Variants in AKT3 observed in about 807,000 individuals in gnomAD.
The protein encoded by AKT3 is AKT serine/threonine kinase 3.
A neutral mutation model predicts 65.3 loss-of-function variants in AKT3; 15 were observed. That is an observed-to-expected ratio of 0.23 (90% confidence interval 0.15 to 0.35). AKT3 has a LOEUF of 0.35. Ranked by LOEUF, AKT3 falls within the 10% of genes least tolerant of loss-of-function variation. The probability of loss-of-function intolerance (pLI) is 1.00; values close to 1 mark genes in which losing one functional copy is unlikely to be tolerated. For missense variants in AKT3, 243 were observed against 576.5 expected (o/e 0.42, Z 5.92); for synonymous variants, 206 against 183.8 (o/e 1.12, Z -0.98).
At chr1:243,696,877 T>C (rs530978789) in intron 2 of AKT3, among the ~76,000 whole-genome samples, 2 of 152,168 alleles carry the variant, frequency 1.3e-5, no homozygotes, top group African/African-American at 4.8e-5. Context: ...TACCACTTTA[T>C]CACTTTTCTG....
At chr1:243,834,879 C>T (rs115102125) in intron 2 of AKT3, among the ~76,000 whole-genome samples, 190 of 151,846 alleles carry the variant, frequency 1.3e-3, no homozygotes, top group African/African-American at 4.5e-3. Flanking sequence ...TTTCAAAAGA[C>T]GTATGAATAA....
intron 3 of AKT3, among the ~76,000 whole-genome samples, chr1:243,674,205 A>T (rs1213707723): frequency 6.6e-6 from 1 of 152,228 alleles, no homozygotes; most frequent in African/African-American, 2.4e-5. Context: ...AAAAATCACC[A>T]ATGGTAAAAT....
chr1:243,565,569 T>C (rs2148491760), intron 9 of AKT3, among the ~76,000 whole-genome samples: 1 of 152,326 alleles, frequency 6.6e-6, no homozygotes, highest in Non-Finnish European at 1.5e-5. Flanking sequence ...ATCTTGTATA[T>C]TCCTGTTTCT....
downstream of AKT3, among the ~76,000 whole-genome samples, chr1:243,498,472 G>A (rs568265242): frequency 1.1e-4 from 17 of 152,280 alleles, 1 homozygote; most frequent in South Asian, 3.5e-3. Flanking sequence ...GAGGCCTCCT[G>A]CCGGAGCCCC....
At chr1:243,790,894 T>C (rs1265459903) in intron 2 of AKT3, among the ~76,000 whole-genome samples, 1 of 152,174 alleles carries the variant, frequency 6.6e-6, no homozygotes, top group Non-Finnish European at 1.5e-5. Context: ...TCACCTCACA[T>C]GGGTAATGGT....
intron 2 of AKT3, among the ~76,000 whole-genome samples, chr1:243,786,085 T>A (rs548286760): frequency 6.6e-6 from 1 of 152,338 alleles, no homozygotes; most frequent in Non-Finnish European, 1.5e-5. Context: ...TTTTTTCTTC[T>A]TCATGAGACA....
chr1:243,551,913 A>G (rs932643886), intron 11 of AKT3, among the ~76,000 whole-genome samples: 6 of 152,214 alleles, frequency 3.9e-5, no homozygotes, highest in African/African-American at 1.4e-4. Context: ...AGCTACAAAA[A>G]CAGAAATTAA....
At chr1:243,838,830 A>G (rs1695057520) in intron 2 of AKT3, among the ~76,000 whole-genome samples, 1 of 152,190 alleles carries the variant, frequency 6.6e-6, no homozygotes, top group African/African-American at 2.4e-5. Flanking sequence ...AAACTAAGGG[A>G]AAAAGTTATT....
chr1:243,723,929 G>T (rs1687063392), intron 2 of AKT3, among the ~76,000 whole-genome samples: 1 of 152,068 alleles, frequency 6.6e-6, no homozygotes, highest in East Asian at 1.9e-4. Context: ...GGAAAAAAAG[G>T]TGTTTTCATT....
chr1:243,819,512 C>A (rs772161668), intron 2 of AKT3, among the ~76,000 whole-genome samples: 1 of 152,124 alleles, frequency 6.6e-6, no homozygotes, highest in South Asian at 2.1e-4. Flanking sequence ...TCAGCCCCTG[C>A]GGGGAGAGGC....
intron 3 of AKT3, among the ~76,000 whole-genome samples, chr1:243,666,081 G>A (rs1682750318): frequency 1.3e-5 from 2 of 152,180 alleles, no homozygotes; most frequent in South Asian, 2.1e-4. Context: ...TCGGCTCACC[G>A]TAACCTCTGC....
At chr1:243,640,227 T>G (rs151135064) in intron 5 of AKT3, among the ~76,000 whole-genome samples, 5 of 152,196 alleles carry the variant, frequency 3.3e-5, no homozygotes, top group Non-Finnish European at 7.4e-5. Context: ...CTAGTGTCAT[T>G]TGAACAAATA....
intron 5 of AKT3, among the ~76,000 whole-genome samples, chr1:243,643,922 T>C (rs1680622580): frequency 6.6e-6 from 1 of 152,228 alleles, no homozygotes; most frequent in African/African-American, 2.4e-5. Flanking sequence ...TCTAGAATCA[T>C]TTATCTTATG....
At chr1:243,765,435 T>G (rs545493007) in intron 2 of AKT3, among the ~76,000 whole-genome samples, 1 of 152,098 alleles carries the variant, frequency 6.6e-6, no homozygotes, top group South Asian at 2.1e-4. Context: ...ACCACTTTAT[T>G]TAAACTACCC....
At chr1:243,641,024 G>C (rs921580475) in intron 5 of AKT3, among the ~76,000 whole-genome samples, 12 of 152,050 alleles carry the variant, frequency 7.9e-5, no homozygotes, top group Admixed American at 2.6e-4. Context: ...AGCTGCCAGT[G>C]TGGCTAGAAT....
intron 2 of AKT3, among the ~76,000 whole-genome samples, chr1:243,800,802 CA>C (rs1393165249): frequency 4.0e-5 from 6 of 151,732 alleles, no homozygotes; most frequent in African/African-American, 1.2e-4. Context: ...CAAATTAAGA[CA>C]GTATCACCCA....
chr1:243,828,854 A>G lies in AKT3; in HGVS notation c.46+14271T>C, dbSNP rs542045105. Reference sequence around the variant, plus strand: ...TTTCAAGCATCAGATGTACTTTGAAATTGTAGATGGACAAGAAGTAAGAAT... The same window carrying G: ...TTTCAAGCATCAGATGTACTTTGAAGTTGTAGATGGACAAGAAGTAAGAAT... On this transcript the variant is annotated intron_variant, in intron 2 of 13. Transcript: ENST00000673466. 2.0e-5 allele frequency among the ~76,000 whole-genome samples: 3 copies of G among 152,250 alleles called. No homozygotes were observed. The South Asian group carries it at 6.2e-4, about 32-fold the overall frequency.
intron 1 of AKT3, 66 bp downstream of exon 1, chr1:243,849,967 ACCGGGGC>A (rs759690582): frequency 6.3e-5 from 60 of 958,070 alleles, no homozygotes; most frequent in East Asian, 2.3e-4. Context: ...GGGAGGGCGG[ACCGGGGC>A]CCGGGGCCCG....
chr1:243,586,876 A>G (rs1356894735), intron 8 of AKT3, among the ~76,000 whole-genome samples: 3 of 152,192 alleles, frequency 2.0e-5, no homozygotes, highest in Non-Finnish European at 1.5e-5. Flanking sequence ...AATTTAAAAT[A>G]AAAGTTGAAA....
Sources: allele counts gnomAD v4.1 joint callset (sites outside exome capture counted in the v4.1 genomes callset), GRCh38; gene constraint gnomAD v4.1.1; transcripts MANE v1.5; gene names NCBI Gene and HGNC (gene_info 2026-07-23, HGNC 2026-07-21).